ZNF506: variants seen among roughly 807,000 people sequenced by gnomAD.
ZNF506 encodes the protein zinc finger protein 506.
A neutral mutation model predicts 11.6 loss-of-function variants in ZNF506; 10 were observed. The ratio of observed to expected loss-of-function variants is 0.86; its 90% CI spans 0.53 to 1.46. ZNF506 has a LOEUF of 1.46. Ranked by LOEUF, ZNF506 falls within the 40% of genes most tolerant of loss-of-function variation. ZNF506 has a pLI of 0.00. For synonymous variants in ZNF506, 156 were observed against 173.3 expected (o/e 0.90, Z 0.78); for missense variants, 425 against 521.2 (o/e 0.82, Z 1.80).
At chr19:19,804,093 A>G (rs1038319120) in intron 3 of ZNF506, among the ~76,000 whole-genome samples, 4 of 152,232 alleles carry the variant, frequency 2.6e-5, no homozygotes, top group Non-Finnish European at 5.9e-5. Context: ...ATGGGATCTA[A>G]TAAAACTAAA....
chr19:19,817,696 C>G (rs1237409570), intron 1 of ZNF506, among the ~76,000 whole-genome samples: 2 of 152,122 alleles, frequency 1.3e-5, no homozygotes, highest in African/African-American at 4.8e-5. Flanking sequence ...TTAACATTAG[C>G]CTTAGCTTGG....
At position 19,793,779 on chromosome 19, in the gene ZNF506, A is replaced by T. The variant is rs2062714050; in HGVS notation, c.*773T>A. 6.6e-6 allele frequency: 1 copy of T among 152,278 alleles called. No individual in the cohort carries two copies. Among genetic ancestry groups the T allele is most frequent in the South Asian group, 2.1e-4 (1 of 4,836 alleles). The allele number at this position is 152,278 out of a possible 1,614,324, so 9.4% of individuals were successfully genotyped here. ...GTGAAATAAGGTGTAAGCACTCAAA[A>T]GTTTTGCCACATTCTTCACACTTGT... On this transcript the variant is annotated 3_prime_UTR_variant, in exon 4 of 4. Coordinates refer to ENST00000540806, the MANE Select transcript of ZNF506 (RefSeq NM_001099269.3).
At chr19:19,820,267 A>C (rs2062958909) in intron 1 of ZNF506, 2 of 152,236 alleles carry the variant, frequency 1.3e-5, no homozygotes, top group African/African-American at 4.8e-5. Context: ...AGGAAAAAAA[A>C]CAAAACTCAA....
At chr19:19,811,099 C>T (rs1451371798) in intron 1 of ZNF506, among the ~76,000 whole-genome samples, 4 of 152,068 alleles carry the variant, frequency 2.6e-5, no homozygotes, top group Non-Finnish European at 5.9e-5. Flanking sequence ...TAGCCACTGC[C>T]CTGTCAACTT....
chr19:19,808,629 G>A (rs566553976), intron 1 of ZNF506, among the ~76,000 whole-genome samples: 103 of 151,198 alleles, frequency 6.8e-4, no homozygotes, highest in Non-Finnish European at 1.3e-3. Flanking sequence ...GGCGGATCAC[G>A]AGGTCATGAG....
intron 1 of ZNF506, among the ~76,000 whole-genome samples, chr19:19,810,756 C>T (rs2062877131): frequency 6.6e-6 from 1 of 151,632 alleles, no homozygotes; most frequent in Non-Finnish European, 1.5e-5. Flanking sequence ...TTTAATACAA[C>T]ATTTAAAAAC....
chr19:19,818,478 G>A (rs1167543964), intron 1 of ZNF506, among the ~76,000 whole-genome samples: 1 of 151,940 alleles, frequency 6.6e-6, no homozygotes, highest in Non-Finnish European at 1.5e-5. Flanking sequence ...TTTTTTCCTT[G>A]GTAGCTAGCA....
intron 1 of ZNF506, among the ~76,000 whole-genome samples, chr19:19,817,179 G>A (rs958006345): frequency 6.6e-6 from 1 of 152,120 alleles, no homozygotes; most frequent in Non-Finnish European, 1.5e-5. Context: ...CTCAGTCTGA[G>A]TCAACATACA....
intron 1 of ZNF506, among the ~76,000 whole-genome samples, chr19:19,821,081 G>C (rs1167228065): frequency 6.6e-6 from 1 of 152,128 alleles, no homozygotes; most frequent in Non-Finnish European, 1.5e-5. Context: ...TGTATTTTTA[G>C]TAGACATGGG....
intron 1 of ZNF506, among the ~76,000 whole-genome samples, chr19:19,819,136 T>C (rs2062952759): frequency 6.6e-6 from 1 of 152,022 alleles, no homozygotes; most frequent in Non-Finnish European, 1.5e-5. Context: ...CCCCAGTGAG[T>C]GCCCCACGTG....
chr19:19,804,850 C>G (rs1174667960), intron 3 of ZNF506, among the ~76,000 whole-genome samples: 1 of 151,976 alleles, frequency 6.6e-6, no homozygotes, highest in Admixed American at 6.6e-5. Context: ...ACCAAACACC[C>G]CATGTTCTCA....
chr19:19,807,898 C>G (rs1034400141), intron 1 of ZNF506, among the ~76,000 whole-genome samples: 2 of 152,010 alleles, frequency 1.3e-5, no homozygotes, highest in East Asian at 1.9e-4. Context: ...AGTGGAAGAG[C>G]CTGTGTTTTC....
intron 3 of ZNF506, among the ~76,000 whole-genome samples, chr19:19,802,330 T>C (rs1327536608): frequency 6.6e-6 from 1 of 152,174 alleles, no homozygotes; most frequent in Non-Finnish European, 1.5e-5. Flanking sequence ...AGAGAATATA[T>C]GCAGTGTAAT....
intron 1 of ZNF506, among the ~76,000 whole-genome samples, chr19:19,818,672 C>T (rs1180403888): frequency 6.6e-6 from 1 of 151,972 alleles, no homozygotes; most frequent in Non-Finnish European, 1.5e-5. Flanking sequence ...ATTTTTTTAC[C>T]TTTCAAGCCC....
rs757153780 is a variant in ZNF506 at position 19,821,652 on chromosome 19, A to T, written c.-49T>A. ...GCGTCCTAGCTGTGACCCTCCTAAT[A>T]CCTGCAGGTCACAGGGCCACAGAGG... On this transcript the variant is annotated 5_prime_UTR_variant, in exon 1 of 4. Coordinates refer to ENST00000540806, the MANE Select transcript of ZNF506 (RefSeq NM_001099269.3). The T allele has an allele frequency of 2.4e-5, 39 of 1,612,520 alleles. No individual in the cohort carries two copies. Among genetic ancestry groups the T allele is most frequent in the Non-Finnish European group, 2.5e-5 (29 of 1,179,022 alleles).
chr19:19,817,450 CAA>C (rs2062942539), intron 1 of ZNF506, among the ~76,000 whole-genome samples: 1 of 141,476 alleles, frequency 7.1e-6, no homozygotes. Flanking sequence ...TTTTTTTTTA[CAA>C]AGTCTAGAAA....
intron 3 of ZNF506, among the ~76,000 whole-genome samples, chr19:19,802,489 A>G (rs2062803369): frequency 6.6e-6 from 1 of 151,776 alleles, no homozygotes; most frequent in African/African-American, 2.4e-5. Flanking sequence ...TAAATAAAAA[A>G]TATATATATT....
Position 19,794,988 on chromosome 19 carries a change from A to G in ZNF506, c.899T>C (p.Leu300Pro). 6.2e-7 allele frequency: 1 copy of G among 1,613,816 alleles called. No individual in the cohort carries two copies. ...AGTATGAATTATCTCATGTTTAGTA[A>G]GGGTTGAGGATGAAATAAAGGCTTT... ...CGKAFISSST[L>P]TKHEIIHTGE... Residue 300 changes from leucine (L) to proline (P), a missense_variant, in exon 4 of 4, where the codon CTT becomes CCT. Coordinates refer to ENST00000540806, the MANE Select transcript of ZNF506 (RefSeq NM_001099269.3).
chr19:19,801,577 G>A (rs1399948890), intron 3 of ZNF506, among the ~76,000 whole-genome samples: 2 of 151,920 alleles, frequency 1.3e-5, no homozygotes, highest in African/African-American at 4.8e-5. Flanking sequence ...GATCACCTGA[G>A]GTCAAGAGTT....
Sources: allele counts gnomAD v4.1 joint callset (sites outside exome capture counted in the v4.1 genomes callset), GRCh38; gene constraint gnomAD v4.1.1; transcripts MANE v1.5; gene names NCBI Gene and HGNC (gene_info 2026-07-23, HGNC 2026-07-21).